The following NEGR1 variants were observed in gnomAD, a reference collection of about 807,000 sequenced individuals.
The protein encoded by NEGR1 is IgLON family member 4.
In NEGR1, 10 loss-of-function variants were observed where a neutral mutation model predicts 40.9. The ratio of observed to expected loss-of-function variants is 0.24; its 90% CI spans 0.15 to 0.42. The LOEUF is 0.42. Ranked by LOEUF, NEGR1 falls within the 10% of genes least tolerant of loss-of-function variation. The pLI is 1.00. For synonymous variants in NEGR1, 185 were observed against 166.8 expected, an observed-to-expected ratio of 1.11 and a Z score of -0.84; for missense variants, 352 against 438.9, an observed-to-expected ratio of 0.80 and a Z score of 1.77.
chr1:72,066,693 C>T (rs1647281418), intron 1 of NEGR1, among the ~76,000 whole-genome samples: 1 of 152,106 alleles, frequency 6.6e-6, no homozygotes, highest in African/African-American at 2.4e-5. Context: ...CAGCCGTCTA[C>T]AAGCTAGGAA....
At chr1:72,186,774 CAT>C (rs1204618018) in intron 1 of NEGR1, among the ~76,000 whole-genome samples, 1 of 151,534 alleles carries the variant, frequency 6.6e-6, no homozygotes, top group Non-Finnish European at 1.5e-5. Context: ...GATAAATTCT[CAT>C]AGAGTACTTT....
chr1:71,874,428 ACTT>A (rs937095653), intron 2 of NEGR1, among the ~76,000 whole-genome samples: 2 of 152,108 alleles, frequency 1.3e-5, no homozygotes, highest in Non-Finnish European at 2.9e-5. Flanking sequence ...CAACAACACA[ACTT>A]CTTATTTTCT....
At chr1:72,072,041 T>G (rs548441100) in intron 1 of NEGR1, among the ~76,000 whole-genome samples, 1 of 152,276 alleles carries the variant, frequency 6.6e-6, no homozygotes, top group African/African-American at 2.4e-5. Flanking sequence ...GTGTTATATG[T>G]TTTCTAGCCT....
At chr1:71,981,066 A>G (rs765714169) in intron 1 of NEGR1, among the ~76,000 whole-genome samples, 7 of 152,294 alleles carry the variant, frequency 4.6e-5, no homozygotes, top group Middle Eastern at 3.4e-3. Context: ...TTTTATCTGT[A>G]AGACATTGTA....
At chr1:72,165,073 T>G (rs569969188) in intron 1 of NEGR1, among the ~76,000 whole-genome samples, 25 of 152,182 alleles carry the variant, frequency 1.6e-4, no homozygotes, top group African/African-American at 5.5e-4. Flanking sequence ...ATGTTGGATC[T>G]ATTATCATTG....
chr1:72,188,755 C>T (rs1652704770), intron 1 of NEGR1, among the ~76,000 whole-genome samples: 1 of 140,972 alleles, frequency 7.1e-6, no homozygotes, highest in Admixed American at 7.0e-5. Context: ...AAAACAATTC[C>T]CTGAGTTCTA....
chr1:71,946,351 T>C (rs1332502148), intron 1 of NEGR1, among the ~76,000 whole-genome samples: 3 of 152,142 alleles, frequency 2.0e-5, no homozygotes, highest in Admixed American at 2.0e-4. Context: ...TTGTAAATTA[T>C]GTACACCTTT....
chr1:71,828,553 C>G (rs1557668271), intron 2 of NEGR1, among the ~76,000 whole-genome samples: 1 of 151,730 alleles, frequency 6.6e-6, no homozygotes, highest in African/African-American at 2.4e-5. Flanking sequence ...CTTTTTCTTT[C>G]TTTCATGTTC....
intron 6 of NEGR1, among the ~76,000 whole-genome samples, chr1:71,456,305 A>T (rs1306790898): frequency 6.6e-6 from 1 of 152,140 alleles, no homozygotes; most frequent in Non-Finnish European, 1.5e-5. Context: ...ATGGGGTATC[A>T]CTGTATTGAC....
intron 4 of NEGR1, among the ~76,000 whole-genome samples, chr1:71,686,155 T>C (rs1347454960): frequency 6.6e-6 from 1 of 152,196 alleles, no homozygotes; most frequent in Non-Finnish European, 1.5e-5. Flanking sequence ...CTTTTTATCA[T>C]TGCTTTCAGG....
chr1:71,576,416 T>C (rs537050506), intron 6 of NEGR1, among the ~76,000 whole-genome samples: 8 of 152,284 alleles, frequency 5.3e-5, no homozygotes, highest in African/African-American at 1.7e-4. Flanking sequence ...AGACAACATG[T>C]CACATTCAGG....
At chr1:71,790,605 G>C (rs931995667) in intron 2 of NEGR1, among the ~76,000 whole-genome samples, 1 of 151,922 alleles carries the variant, frequency 6.6e-6, no homozygotes, top group African/African-American at 2.4e-5. Flanking sequence ...AAAAAGTATG[G>C]TAGAATTCAG....
At chr1:71,905,284 A>G (rs1474198766) in intron 2 of NEGR1, among the ~76,000 whole-genome samples, 1 of 152,090 alleles carries the variant, frequency 6.6e-6, no homozygotes, top group Non-Finnish European at 1.5e-5. Flanking sequence ...AATATTTTTG[A>G]TAAAAAGTTT....
intron 1 of NEGR1, among the ~76,000 whole-genome samples, chr1:72,226,162 C>T (rs1019934589): frequency 6.6e-6 from 1 of 151,692 alleles, no homozygotes; most frequent in Non-Finnish European, 1.5e-5. Flanking sequence ...CATGTATTAC[C>T]TATATTGCTA....
At chr1:72,279,708 G>T (rs1656178995) in intron 1 of NEGR1, among the ~76,000 whole-genome samples, 1 of 152,180 alleles carries the variant, frequency 6.6e-6, no homozygotes, top group South Asian at 2.1e-4. Context: ...TGCATCACCT[G>T]AGTTGCCTAT....
intron 4 of NEGR1, among the ~76,000 whole-genome samples, chr1:71,636,158 T>C (rs534624724): frequency 1.1e-3 from 171 of 152,228 alleles, no homozygotes; most frequent in Middle Eastern, 3.4e-3. Context: ...CTAAACATTT[T>C]GTTAAAAATA....
intron 1 of NEGR1, among the ~76,000 whole-genome samples, chr1:72,146,314 T>C (rs1373771860): frequency 6.6e-6 from 1 of 152,192 alleles, no homozygotes; most frequent in East Asian, 1.9e-4. Flanking sequence ...GGTATTCTGG[T>C]GATGCTGCTG....
intron 1 of NEGR1, among the ~76,000 whole-genome samples, chr1:72,127,440 G>A (rs1269574327): frequency 8.1e-6 from 1 of 123,514 alleles, no homozygotes; most frequent in Non-Finnish European, 1.6e-5. Flanking sequence ...CTCCAGCCTG[G>A]GCGACAGAGC....
At chr1:71,422,520 T>G (rs1447128575) in intron 6 of NEGR1, 1 of 152,182 alleles carries the variant, frequency 6.6e-6, no homozygotes, top group Admixed American at 6.5e-5. Flanking sequence ...GCAACAATTC[T>G]TCTGAAATCT....
Sources: gnomAD v4.1 joint callset for allele counts (sites outside exome capture counted in the v4.1 genomes callset) on GRCh38, gnomAD v4.1.1 for gene constraint, MANE v1.5 for transcripts, NCBI Gene and HGNC (gene_info 2026-07-23, HGNC 2026-07-21) for gene names.